The following ALDH1A2 variants were observed in gnomAD, a reference collection of about 807,000 sequenced individuals.
ALDH1A2 encodes the protein retinal dehydrogenase 2.
In ALDH1A2, 27 loss-of-function variants were observed where a neutral mutation model predicts 60.3. That is an observed-to-expected ratio of 0.45 (90% CI 0.33 to 0.62). The LOEUF (loss-of-function observed/expected upper bound fraction) is 0.62. Ranked by LOEUF, ALDH1A2 falls within the 20% of genes least tolerant of loss-of-function variation. The probability of loss-of-function intolerance (pLI) is 0.02; values close to 1 mark genes in which losing one functional copy is unlikely to be tolerated. For missense variants in ALDH1A2, 581 were observed against 643.8 expected (o/e 0.90, Z 1.06); for synonymous variants, 289 against 232.4 (o/e 1.24, Z -2.21).
intron 7 of ALDH1A2, among the ~76,000 whole-genome samples, chr15:57,977,562 T>A (rs188046033): frequency 6.6e-6 from 1 of 152,192 alleles, no homozygotes; most frequent in Non-Finnish European, 1.5e-5. Flanking sequence ...TTCTGTTCCA[T>A]TGGTCTATGT....
At chr15:58,005,596 T>G (rs1895423678) in intron 4 of ALDH1A2, among the ~76,000 whole-genome samples, 1 of 152,004 alleles carries the variant, frequency 6.6e-6, no homozygotes, top group Non-Finnish European at 1.5e-5. Context: ...ACATAATGGC[T>G]TATTTCTTCC....
chr15:58,038,114 C>T (rs1425751602), intron 1 of ALDH1A2, among the ~76,000 whole-genome samples: 3 of 151,578 alleles, frequency 2.0e-5, no homozygotes, highest in African/African-American at 7.3e-5. Context: ...TTCCTACTAA[C>T]ACCCTCTTCC....
intron 1 of ALDH1A2, among the ~76,000 whole-genome samples, chr15:58,021,222 G>C (rs1458061936): frequency 6.6e-6 from 1 of 152,078 alleles, no homozygotes; most frequent in Non-Finnish European, 1.5e-5. Context: ...TTAACTTTTT[G>C]AGTTGGGGAG....
At chr15:58,043,407 C>T (rs552364476) in intron 1 of ALDH1A2, among the ~76,000 whole-genome samples, 14 of 151,944 alleles carry the variant, frequency 9.2e-5, no homozygotes, top group African/African-American at 3.1e-4. Context: ...ATGTGGCCAC[C>T]AGTGGGCGCT....
At chr15:58,009,471 A>G (rs1009242510) in intron 4 of ALDH1A2, among the ~76,000 whole-genome samples, 1 of 151,698 alleles carries the variant, frequency 6.6e-6, no homozygotes, top group Admixed American at 6.6e-5. Context: ...CCCAAAAGAG[A>G]CACTTCGAAG....
intron 4 of ALDH1A2, among the ~76,000 whole-genome samples, chr15:57,999,823 T>A (rs1334671893): frequency 6.6e-6 from 1 of 151,976 alleles, no homozygotes; most frequent in South Asian, 2.1e-4. Flanking sequence ...CAAATCCCCA[T>A]CAATGATAGA....
At chr15:58,007,018 C>T (rs1895481598) in intron 4 of ALDH1A2, among the ~76,000 whole-genome samples, 1 of 151,716 alleles carries the variant, frequency 6.6e-6, no homozygotes, top group Non-Finnish European at 1.5e-5. Context: ...CTGTAATGTG[C>T]CTTACAGAGA....
intron 1 of ALDH1A2, among the ~76,000 whole-genome samples, chr15:58,027,206 G>A (rs553713723): frequency 9.2e-5 from 14 of 152,182 alleles, no homozygotes; most frequent in Admixed American, 3.3e-4. Context: ...AATATTTGCT[G>A]TTCTGCATTA....
intron 1 of ALDH1A2, among the ~76,000 whole-genome samples, chr15:58,050,717 C>T (rs1422141894): frequency 6.6e-6 from 1 of 152,148 alleles, no homozygotes; most frequent in Non-Finnish European, 1.5e-5. Context: ...ATTTGATACA[C>T]AGGTTAAGAC....
intron 4 of ALDH1A2, among the ~76,000 whole-genome samples, chr15:58,005,673 T>C (rs74018805): frequency 1.4e-3 from 214 of 152,056 alleles, no homozygotes; most frequent in African/African-American, 4.9e-3. Context: ...AATTCAATGT[T>C]GTAAAGCAGT....
chr15:57,959,485 C>T (rs372370546), intron 12 of ALDH1A2, among the ~76,000 whole-genome samples: 2 of 152,076 alleles, frequency 1.3e-5, no homozygotes, highest in Non-Finnish European at 2.9e-5. Context: ...GGGAAACTTC[C>T]GCCAAAGTTA....
intron 4 of ALDH1A2, among the ~76,000 whole-genome samples, chr15:57,996,586 C>T (rs1237745266): frequency 6.7e-6 from 1 of 149,966 alleles, no homozygotes; most frequent in East Asian, 2.0e-4. Context: ...AATGTTACTA[C>T]TGTAAACCCT....
chr15:58,023,939 C>G (rs1173114075), intron 1 of ALDH1A2, among the ~76,000 whole-genome samples: 1 of 152,004 alleles, frequency 6.6e-6, no homozygotes, highest in Non-Finnish European at 1.5e-5. Context: ...ACTGAAAATA[C>G]AAAATTAGCC....
chr15:58,058,041 A>G (rs1262344129), intron 1 of ALDH1A2: 5 of 1,521,986 alleles, frequency 3.3e-6, no homozygotes, highest in Admixed American at 2.0e-5. Context: ...GATTTTAACC[A>G]AACAGTCTCA....
At chr15:57,983,926 T>C (rs1214623326) in intron 7 of ALDH1A2, among the ~76,000 whole-genome samples, 2 of 152,196 alleles carry the variant, frequency 1.3e-5, no homozygotes, top group Non-Finnish European at 2.9e-5. Flanking sequence ...TTGTAACAAA[T>C]GGAATTTAAA....
chr15:58,007,199 A>C (rs1173316340), intron 4 of ALDH1A2, among the ~76,000 whole-genome samples: 1 of 152,050 alleles, frequency 6.6e-6, no homozygotes, highest in East Asian at 1.9e-4. Flanking sequence ...TGTTGTGATC[A>C]GAAGCTCACA....
chr15:58,041,964 T>C (rs974488659), intron 1 of ALDH1A2, among the ~76,000 whole-genome samples: 1 of 151,882 alleles, frequency 6.6e-6, no homozygotes, highest in East Asian at 1.9e-4. Flanking sequence ...TCTCAAAATA[T>C]CTTACCATAC....
chr15:57,963,014 A>G (rs939252270), intron 9 of ALDH1A2, among the ~76,000 whole-genome samples: 8 of 152,126 alleles, frequency 5.3e-5, no homozygotes, highest in Admixed American at 1.3e-4. Context: ...TCCCCACCCC[A>G]CTAAAGTACA....
chr15:58,003,946 G>A (rs991699100), intron 4 of ALDH1A2, among the ~76,000 whole-genome samples: 6 of 151,568 alleles, frequency 4.0e-5, no homozygotes, highest in Non-Finnish European at 7.4e-5. Flanking sequence ...AGGAAATAAT[G>A]GATAGTGTTG....
Sources: allele counts gnomAD v4.1 joint callset (sites outside exome capture counted in the v4.1 genomes callset), GRCh38; gene constraint gnomAD v4.1.1; transcripts MANE v1.5; gene names NCBI Gene and HGNC (gene_info 2026-07-23, HGNC 2026-07-21).